Variants in NAALADL2 observed in about 807,000 individuals in gnomAD.
NAALADL2 encodes the protein N-acetylated alpha-linked acidic dipeptidase like 2.
A neutral mutation model predicts 87.2 loss-of-function variants in NAALADL2; 76 were observed. The ratio of observed to expected loss-of-function variants is 0.87; its 90% CI spans 0.72 to 1.05. NAALADL2 has a LOEUF of 1.05. NAALADL2 is among the 50% of genes least tolerant of loss of function. NAALADL2 has a pLI of 0.00. For synonymous variants in NAALADL2, 354 were observed against 331.0 expected, an observed-to-expected ratio of 1.07 and a Z score of -0.75; for missense variants, 1,089 against 945.8, an observed-to-expected ratio of 1.15 and a Z score of -1.99.
chr3:174,797,467 C>T (rs570090447), intron 3 of NAALADL2, among the ~76,000 whole-genome samples: 5 of 151,684 alleles, frequency 3.3e-5, no homozygotes, highest in South Asian at 4.2e-4. Context: ...CCTTCCACCA[C>T]GCCTGGCTAA....
chr3:175,113,791 A>G (rs558693758), intron 2 of NAALADL2, among the ~76,000 whole-genome samples: 19 of 151,680 alleles, frequency 1.3e-4, no homozygotes, highest in Non-Finnish European at 2.5e-4. Context: ...ATGCCTGCCT[A>G]TTGCCCTTGA....
At chr3:175,776,751 G>C (rs1306143529) in intron 13 of NAALADL2, among the ~76,000 whole-genome samples, 1 of 152,086 alleles carries the variant, frequency 6.6e-6, no homozygotes, top group African/African-American at 2.4e-5. Flanking sequence ...AAAAGGGGCA[G>C]ACATTTAACA....
intron 9 of NAALADL2, among the ~76,000 whole-genome samples, chr3:175,483,955 C>CTAG (rs1181497834): frequency 6.6e-6 from 1 of 152,014 alleles, no homozygotes; most frequent in Non-Finnish European, 1.5e-5. Context: ...TTTTAAGCAG[C>CTAG]TAGTCCTGGA....
intron 1 of NAALADL2, among the ~76,000 whole-genome samples, chr3:175,007,175 A>G (rs1248930506): frequency 2.0e-5 from 3 of 148,168 alleles, no homozygotes; most frequent in Non-Finnish European, 3.0e-5. Context: ...AAAAAAAGCT[A>G]CTCTAAAGGC....
rs541510598 is a variant in NAALADL2, at chr3:174,985,961, CAAAAT to C, written c.44-110824_44-110820del. Among the ~76,000 whole-genome samples, 253 of 151,562 alleles carry C rather than the reference CAAAAT, an allele frequency of 1.7e-3. 2 individuals are homozygous for C. The highest frequency in any genetic ancestry group is 5.8e-3 in the African/African-American group (239 of 41,274). ...GAGCGAAACTCCGTCTCAAAAAAAA[CAAAAT>C]AAAACAAAAAAAAGCATGCTAAACA... is the stretch of plus-strand genomic sequence containing the variant. On this transcript the variant is annotated intron_variant, in intron 1 of 13. Coordinates refer to ENST00000454872, the MANE Select transcript of NAALADL2 (RefSeq NM_207015.3).
chr3:174,766,572 C>G (rs1689587870), intron 3 of NAALADL2, among the ~76,000 whole-genome samples: 1 of 152,176 alleles, frequency 6.6e-6, no homozygotes, highest in African/African-American at 2.4e-5. Flanking sequence ...TTAACAAATG[C>G]CTGTACCATG....
At chr3:175,577,219 T>G (rs1488747590) in intron 10 of NAALADL2, among the ~76,000 whole-genome samples, 3 of 152,204 alleles carry the variant, frequency 2.0e-5, no homozygotes, top group Non-Finnish European at 4.4e-5. Context: ...AAAATGATTT[T>G]ACAAATGAAG....
Position 174,617,271 on chromosome 3 carries a change from TA to T in NAALADL2, c.-115+66641del, listed in dbSNP as rs200218030. ...TTACAGAAATAATTCACTTAACATT[TA>T]AAAAAATAAATTATGTATGTTAGTT... On this transcript the variant is annotated intron_variant, in intron 2 of 3. Coordinates refer to the NAALADL2 transcript ENST00000434257. Among the ~76,000 whole-genome samples, 376 of 151,810 alleles carry T rather than the reference TA, an allele frequency of 2.5e-3. 2 individuals carry two copies. Among genetic ancestry groups the T allele is most frequent in the African/African-American group, 8.6e-3 (359 of 41,512 alleles).
rs529365624 is a variant in NAALADL2, at chr3:175,033,780, G to A, written c.44-63010G>A. On this transcript the variant is annotated intron_variant, in intron 1 of 13. Coordinates refer to ENST00000454872, the MANE Select transcript of NAALADL2 (RefSeq NM_207015.3). ...TTCTCCCTTTACTCTCACTCCTTAC[G>A]TGGTTTAATCCAGTTCATGATGTGA... 5.3e-5 allele frequency among the ~76,000 whole-genome samples: 8 copies of A among 152,082 alleles called. No individual in the cohort carries two copies. The East Asian group carries it at 1.4e-3, about 26-fold the overall frequency.
intron 3 of NAALADL2, among the ~76,000 whole-genome samples, chr3:174,761,774 G>T (rs1710235): frequency 8.8e-6 from 1 of 114,088 alleles, no homozygotes; most frequent in Non-Finnish European, 1.8e-5. Context: ...CCCACCCCAC[G>T]ACAGTCCCTG....
At position 174,837,681 on chromosome 3, in the gene NAALADL2, C is replaced by T. The variant is rs1723499635; in HGVS notation, c.-9+99935C>T. Among the ~76,000 whole-genome samples, 3 of 152,018 alleles carry T rather than the reference C, an allele frequency of 2.0e-5. No homozygotes were observed. In the South Asian group the frequency reaches 6.2e-4, roughly 31 times the overall value. On this transcript the variant is annotated intron_variant, in intron 3 of 3. Transcript: ENST00000434257. ...TGGTGGTGCGCACCTATAATCCCAG[C>T]TACTCGGGAGGCTGAGGCAGGAGAA...
chr3:175,650,370 A>G (rs552424506), intron 11 of NAALADL2, among the ~76,000 whole-genome samples: 61 of 152,298 alleles, frequency 4.0e-4, no homozygotes, highest in African/African-American at 1.3e-3. Flanking sequence ...GAATTTTTTT[A>G]GAGGATGGGA....
Position 175,803,813 on chromosome 3 carries a change from G to A in NAALADL2, c.*610G>A, listed in dbSNP as rs1576881242. The A allele has an allele frequency of 6.6e-6, 1 of 152,412 alleles. No homozygotes were observed. Among genetic ancestry groups the A allele is most frequent in the Non-Finnish European group, 1.5e-5 (1 of 67,860 alleles). 9.4% of individuals were successfully genotyped at this position (152,412 alleles called of 1,614,324 possible). ...AGTATTAATGAAAAAAGAGCCATAAGCATTCCAGGAGAAAATCTCAAGGGA... is the reference window on the plus strand; with the variant it reads ...AGTATTAATGAAAAAAGAGCCATAAACATTCCAGGAGAAAATCTCAAGGGA... On this transcript the variant is annotated 3_prime_UTR_variant, in exon 14 of 14. Coordinates refer to ENST00000454872, the MANE Select transcript of NAALADL2 (RefSeq NM_207015.3).
rs185866104 is a variant in NAALADL2 at position 174,934,641 on chromosome 3, G to A, written c.43+75191G>A. ...AGCCTGGGCAACATGCTGAGACCTC[G>A]TCTCTATAAAAACAAAACAACAAAA... On this transcript the variant is annotated intron_variant, in intron 1 of 13. Transcript: ENST00000454872. 1.2e-4 allele frequency among the ~76,000 whole-genome samples: 18 copies of A among 151,962 alleles called. No individual in the cohort carries two copies. In the East Asian group the frequency reaches 3.3e-3, roughly 28 times the overall value.
intron 5 of NAALADL2, among the ~76,000 whole-genome samples, chr3:175,345,708 C>A (rs1164384093): frequency 6.6e-6 from 1 of 152,054 alleles, no homozygotes; most frequent in Non-Finnish European, 1.5e-5. Context: ...ACCAGAGTGA[C>A]ATTAAGAAGT....
At chr3:175,255,552 C>T (rs1216209452) in intron 3 of NAALADL2, among the ~76,000 whole-genome samples, 1 of 152,014 alleles carries the variant, frequency 6.6e-6, no homozygotes. Flanking sequence ...GAAAGCATAA[C>T]AACTATTGTT....
chr3:175,019,516 A>T (rs970288794), intron 1 of NAALADL2, among the ~76,000 whole-genome samples: 1 of 152,074 alleles, frequency 6.6e-6, no homozygotes, highest in African/African-American at 2.4e-5. Context: ...GACACAGTAC[A>T]TTGAACATGT....
At chr3:175,031,416 G>A (rs1486024102) in intron 1 of NAALADL2, among the ~76,000 whole-genome samples, 3 of 151,908 alleles carry the variant, frequency 2.0e-5, no homozygotes, top group African/African-American at 2.4e-5. Flanking sequence ...AATGGCCTTC[G>A]CTTGCATCCA....
intron 2 of NAALADL2, among the ~76,000 whole-genome samples, chr3:174,655,373 T>C (rs999752608): frequency 2.0e-5 from 3 of 151,442 alleles, no homozygotes; most frequent in Admixed American, 1.3e-4. Context: ...ATTCTGTAAA[T>C]GTTACATGAA....
Sources: allele counts gnomAD v4.1 joint callset (sites outside exome capture counted in the v4.1 genomes callset), GRCh38; gene constraint gnomAD v4.1.1; transcripts MANE v1.5; gene names NCBI Gene and HGNC (gene_info 2026-07-23, HGNC 2026-07-21).